Variants in TMTC2 observed in about 807,000 individuals in gnomAD.
TMTC2 encodes the protein protein O-mannosyl-transferase TMTC2.
In TMTC2, 43 loss-of-function variants were observed where a neutral mutation model predicts 82.4. That is an observed-to-expected ratio of 0.52 (90% CI 0.41 to 0.67). The LOEUF is 0.67. Among genes scored for constraint, TMTC2 ranks in the 30% least tolerant of loss-of-function variants. The probability of loss-of-function intolerance (pLI) is 0.00; values close to 1 mark genes in which losing one functional copy is unlikely to be tolerated. For missense variants in TMTC2, 919 were observed against 1,012.4 expected (o/e 0.91, Z 1.25); for synonymous variants, 408 against 381.9 (o/e 1.07, Z -0.80).
intron 1 of TMTC2, among the ~76,000 whole-genome samples, chr12:82,779,236 G>A (rs1318785653): frequency 6.6e-6 from 1 of 151,998 alleles, no homozygotes; most frequent in Non-Finnish European, 1.5e-5. Context: ...GATATCTGAT[G>A]GTGGGGGCAG....
intron 1 of TMTC2, among the ~76,000 whole-genome samples, chr12:82,696,483 T>C (rs1452482738): frequency 2.6e-5 from 4 of 152,218 alleles, no homozygotes; most frequent in African/African-American, 4.8e-5. Flanking sequence ...GATACCAGTG[T>C]GCAGCTTGAA....
chr12:82,928,363 T>C (rs1049296600), intron 3 of TMTC2, among the ~76,000 whole-genome samples: 3 of 152,198 alleles, frequency 2.0e-5, no homozygotes, highest in African/African-American at 4.8e-5. Context: ...GAAATTTCCA[T>C]AGAGGGATAT....
chr12:82,965,872 T>C (rs1592662554), intron 6 of TMTC2, 128 bp downstream of exon 6: 1 of 975,510 alleles, frequency 1.0e-6, no homozygotes, highest in East Asian at 2.5e-5. Flanking sequence ...GTTAAACTAT[T>C]GTCCTTTGAG....
intron 3 of TMTC2, among the ~76,000 whole-genome samples, chr12:82,904,006 C>T (rs904139713): frequency 2.0e-5 from 3 of 152,094 alleles, no homozygotes; most frequent in Non-Finnish European, 2.9e-5. Flanking sequence ...ACATATGCTT[C>T]CATTTTGATA....
intron 1 of TMTC2, among the ~76,000 whole-genome samples, chr12:82,818,173 T>C (rs185284118): frequency 3.9e-5 from 6 of 152,246 alleles, no homozygotes; most frequent in Non-Finnish European, 8.8e-5. Flanking sequence ...TATTTCTTAT[T>C]GCAGTACTTG....
At chr12:82,823,825 C>G (rs1869251219) in intron 1 of TMTC2, among the ~76,000 whole-genome samples, 1 of 151,370 alleles carries the variant, frequency 6.6e-6, no homozygotes, top group African/African-American at 2.4e-5. Context: ...ACCCCCTCCA[C>G]CACAAAAAAA....
intron 1 of TMTC2, among the ~76,000 whole-genome samples, chr12:82,778,063 C>T (rs1877690364): frequency 6.6e-6 from 1 of 152,012 alleles, no homozygotes; most frequent in Non-Finnish European, 1.5e-5. Context: ...AAAGATTACT[C>T]TTCGCATTGT....
chr12:82,701,630 G>T (rs1272762915), intron 1 of TMTC2, among the ~76,000 whole-genome samples: 1 of 149,654 alleles, frequency 6.7e-6, no homozygotes, highest in African/African-American at 2.5e-5. Context: ...GTGTGGAGGT[G>T]CAAGCCTGTA....
At chr12:82,999,062 C>T (rs1470384098) in intron 8 of TMTC2, among the ~76,000 whole-genome samples, 1 of 152,028 alleles carries the variant, frequency 6.6e-6, no homozygotes, top group Non-Finnish European at 1.5e-5. Flanking sequence ...AACTAAAGTC[C>T]ATATTTTATC....
chr12:82,693,221 T>G (rs1489405324), intron 1 of TMTC2, among the ~76,000 whole-genome samples: 1 of 152,232 alleles, frequency 6.6e-6, no homozygotes, highest in Non-Finnish European at 1.5e-5. Flanking sequence ...ATCACTTGAT[T>G]GTTACCTTTT....
At chr12:82,946,215 C>T (rs1876983436) in intron 4 of TMTC2, among the ~76,000 whole-genome samples, 1 of 151,890 alleles carries the variant, frequency 6.6e-6, no homozygotes. Context: ...TTAATGTAAA[C>T]CTAGTTTACT....
At chr12:83,001,847 C>T (rs1203782720) in intron 8 of TMTC2, among the ~76,000 whole-genome samples, 1 of 152,036 alleles carries the variant, frequency 6.6e-6, no homozygotes, top group Non-Finnish European at 1.5e-5. Flanking sequence ...TTTCATTATT[C>T]ATATCACTGT....
At chr12:82,851,903 CAAAA>C (rs879483505) in intron 1 of TMTC2, among the ~76,000 whole-genome samples, 4 of 118,620 alleles carry the variant, frequency 3.4e-5, no homozygotes, top group African/African-American at 9.3e-5. Flanking sequence ...GGTCACGAGA[CAAAA>C]AAAAAAAAGC....
intron 1 of TMTC2, among the ~76,000 whole-genome samples, chr12:82,830,897 A>C (rs1051539167): frequency 6.6e-6 from 1 of 152,174 alleles, no homozygotes; most frequent in African/African-American, 2.4e-5. Flanking sequence ...TTTACATGGA[A>C]AAATATTTAA....
At chr12:82,943,301 T>A (rs1876822304) in intron 4 of TMTC2, among the ~76,000 whole-genome samples, 1 of 152,232 alleles carries the variant, frequency 6.6e-6, no homozygotes, top group Admixed American at 6.5e-5. Context: ...ATGACATTCA[T>A]CTAAGACAGC....
chr12:82,872,015 C>A (rs1872215890), intron 2 of TMTC2, among the ~76,000 whole-genome samples: 1 of 135,662 alleles, frequency 7.4e-6, no homozygotes, highest in African/African-American at 3.0e-5. Context: ...ACCCCCCCCC[C>A]CGCCCACACC....
chr12:82,755,214 G>A (rs1876234840), intron 1 of TMTC2, among the ~76,000 whole-genome samples: 1 of 152,182 alleles, frequency 6.6e-6, no homozygotes, highest in Non-Finnish European at 1.5e-5. Context: ...AGCTGTTCAG[G>A]ATGTCTGTTT....
chr12:82,778,464 C>G (rs1023779702), intron 1 of TMTC2, among the ~76,000 whole-genome samples: 1 of 152,052 alleles, frequency 6.6e-6, no homozygotes, highest in Non-Finnish European at 1.5e-5. Context: ...GCCTGTAATC[C>G]CAGCACTTTG....
At chr12:83,120,299 G>A (rs763951576) in intron 11 of TMTC2, among the ~76,000 whole-genome samples, 3 of 152,136 alleles carry the variant, frequency 2.0e-5, no homozygotes, top group Non-Finnish European at 4.4e-5. Flanking sequence ...TTCAGCATTC[G>A]TTTCAAGATT....
Sources: allele counts gnomAD v4.1 joint callset (sites outside exome capture counted in the v4.1 genomes callset), GRCh38; gene constraint gnomAD v4.1.1; transcripts MANE v1.5; gene names NCBI Gene and HGNC (gene_info 2026-07-23, HGNC 2026-07-21).